The following ROS1 variants were observed in gnomAD, a reference collection of about 807,000 sequenced individuals.
ROS1 encodes the protein proto-oncogene tyrosine-protein kinase ROS.
A neutral mutation model predicts 273.5 loss-of-function variants in ROS1; 263 were observed. The ratio of observed to expected loss-of-function variants is 0.96; its 90% confidence interval spans 0.87 to 1.06. ROS1 has a LOEUF of 1.06. Among genes scored for constraint, ROS1 ranks in the 50% least tolerant of loss-of-function variants. The probability of loss-of-function intolerance (pLI) is 0.00; values close to 1 mark genes in which losing one functional copy is unlikely to be tolerated. For synonymous variants in ROS1, 1,008 were observed against 954.1 expected, an observed-to-expected ratio of 1.06 and a Z score of -1.04; for missense variants, 2,833 against 2,751.1, an observed-to-expected ratio of 1.03 and a Z score of -0.67.
chr6:117,389,129 T>A (rs762492751), intron 13 of ROS1, among the ~76,000 whole-genome samples: 11 of 152,218 alleles, frequency 7.2e-5, no homozygotes, highest in Non-Finnish European at 1.6e-4. Context: ...ATGTTCAAAT[T>A]ATTCTATTGG....
chr6:117,317,540 A>C (rs918600397), intron 38 of ROS1, among the ~76,000 whole-genome samples: 2 of 152,126 alleles, frequency 1.3e-5, no homozygotes, highest in Non-Finnish European at 2.9e-5. Flanking sequence ...AAAAGAAAGT[A>C]ATTTTGACTA....
At chr6:117,386,616 T>C (rs772052197) in intron 15 of ROS1, among the ~76,000 whole-genome samples, 26 of 152,262 alleles carry the variant, frequency 1.7e-4, no homozygotes, top group Non-Finnish European at 2.8e-4. Flanking sequence ...TGAGATGGCA[T>C]TGGTAGATTA....
chr6:117,342,490 TG>T lies in ROS1; in HGVS notation c.4560del (p.Tyr1520Ter). On this transcript the variant is annotated frameshift_variant, in exon 29 of 44. Transcript: ENST00000368507. LOFTEE classifies it high-confidence loss of function. ...LIEDLQPFST[Y>X]MIQIAVKNYY... is the part of the protein sequence containing the mutation. ...TAATTTTTTACAGCTATCTGTATCA[TG>T]TATGTTGAAAATGGTTGTAAATCTT... is the stretch of plus-strand genomic sequence containing the variant. 6.2e-7 allele frequency: 1 copy of T among 1,604,028 alleles called. No homozygotes were observed. Among genetic ancestry groups the T allele is most frequent in the Non-Finnish European group, 8.5e-7 (1 of 1,171,918 alleles).
intron 17 of ROS1, among the ~76,000 whole-genome samples, chr6:117,379,828 A>C (rs1447894687): frequency 1.3e-5 from 2 of 152,162 alleles, no homozygotes; most frequent in African/African-American, 4.8e-5. Flanking sequence ...CATACACTTT[A>C]AAAAGATCAT....
chr6:117,391,098 A>T (rs777039284), intron 12 of ROS1, among the ~76,000 whole-genome samples: 2 of 152,142 alleles, frequency 1.3e-5, no homozygotes, highest in African/African-American at 2.4e-5. Flanking sequence ...TTCTGCTCTA[A>T]TTCCCCTTGA....
intron 39 of ROS1, among the ~76,000 whole-genome samples, chr6:117,315,059 T>G (rs73566803): frequency 0.027 from 4,182 of 152,184 alleles, 207 homozygotes; most frequent in African/African-American, 0.096. Flanking sequence ...TAAAAGAAGA[T>G]GAGTAAAATT....
chr6:117,395,598 A>T (rs1300928520), intron 9 of ROS1, among the ~76,000 whole-genome samples: 5 of 152,174 alleles, frequency 3.3e-5, no homozygotes, highest in Admixed American at 3.3e-4. Flanking sequence ...ACTTCTTAGA[A>T]AGCATTTTCA....
At chr6:117,367,257 T>A (rs921014032) in intron 18 of ROS1, among the ~76,000 whole-genome samples, 3 of 152,116 alleles carry the variant, frequency 2.0e-5, no homozygotes, top group Admixed American at 1.3e-4. Flanking sequence ...CAGGTACATG[T>A]TCCTTTAAAA....
At chr6:117,387,725 T>C in intron 14 of ROS1, 55 bp downstream of exon 14, 1 of 1,559,428 alleles carries the variant, frequency 6.4e-7, no homozygotes, top group Non-Finnish European at 8.7e-7. Flanking sequence ...TAAAGGGCAC[T>C]CAGCTAGTCC....
chr6:117,411,594 T>C (rs530831400), intron 4 of ROS1, among the ~76,000 whole-genome samples: 74 of 152,234 alleles, frequency 4.9e-4, no homozygotes, highest in African/African-American at 1.7e-3. Flanking sequence ...ATCTTTATTG[T>C]CCCTCTGGCT....
chr6:117,378,813 C>T (rs1174347231), intron 18 of ROS1, among the ~76,000 whole-genome samples: 1 of 152,126 alleles, frequency 6.6e-6, no homozygotes, highest in Non-Finnish European at 1.5e-5. Flanking sequence ...CCATACACTT[C>T]CTGGGCTCTT....
At chr6:117,418,683 G>T (rs950784896) in intron 1 of ROS1, among the ~76,000 whole-genome samples, 177 bp from the exon 2 acceptor site, 9 of 152,190 alleles carry the variant, frequency 5.9e-5, no homozygotes, top group Non-Finnish European at 1.3e-4. Context: ...CAAAATGCTG[G>T]TGCAAATTAT....
chr6:117,408,919 A>G (rs1774657577), intron 5 of ROS1, among the ~76,000 whole-genome samples: 1 of 152,244 alleles, frequency 6.6e-6, no homozygotes, highest in African/African-American at 2.4e-5. Context: ...TTGTAGGGAC[A>G]TGGATGAAGC....
rs1779354403 is a variant in ROS1 at position 117,356,811 on chromosome 6, T to C, written c.3944A>G (p.Gln1315Arg). The part of the protein sequence containing the change: ...HRILQPTATN[Q>R]QNKRNQCSCN... ...AGAACATTGATTCCTTTTGTTTTGT[T>C]GGTTTGTAGCTGTGGGTTGCAGAAT... Residue 1315 changes from glutamine (Q) to arginine (R), a missense_variant, in exon 26 of 44, where the codon CAA (glutamine) becomes CGA (arginine). Gln to Arg is a conservative substitution (Grantham distance 43). Transcript: ENST00000368507. The C allele has an allele frequency of 6.2e-6, 10 of 1,614,032 alleles. No individual in the cohort carries two copies. The highest frequency in any genetic ancestry group is 2.2e-5 in the East Asian group (1 of 44,892).
chr6:117,389,271 T>G, intron 13 of ROS1, 79 bp downstream of exon 13: 2 of 1,485,606 alleles, frequency 1.3e-6, no homozygotes, highest in Non-Finnish European at 1.8e-6. Context: ...CTCTCAAAAT[T>G]GAATCACAAC....
At chr6:117,353,537 A>T (rs932924697) in intron 26 of ROS1, among the ~76,000 whole-genome samples, 1 of 152,248 alleles carries the variant, frequency 6.6e-6, no homozygotes, top group African/African-American at 2.4e-5. Context: ...AATGATAGGC[A>T]TAGGGCTCAG....
chr6:117,416,098 TG>T (rs1775310934), intron 3 of ROS1, among the ~76,000 whole-genome samples, 159 bp downstream of exon 3: 1 of 152,238 alleles, frequency 6.6e-6, no homozygotes, highest in African/African-American at 2.4e-5. Context: ...TCCATTACTA[TG>T]TATTATCCAG....
chr6:117,338,179 A>G (rs1777615853), intron 31 of ROS1, among the ~76,000 whole-genome samples: 1 of 152,184 alleles, frequency 6.6e-6, no homozygotes, highest in African/African-American at 2.4e-5. Flanking sequence ...GTAGAGTTTC[A>G]TAAAAAGGTC....
intron 24 of ROS1, among the ~76,000 whole-genome samples, chr6:117,358,562 C>T (rs1329547516): frequency 6.6e-6 from 1 of 151,812 alleles, no homozygotes; most frequent in African/African-American, 2.4e-5. Context: ...TGGGTTCAAA[C>T]GATTCTCCTG....
Sources: allele counts gnomAD v4.1 joint callset (sites outside exome capture counted in the v4.1 genomes callset), GRCh38; gene constraint gnomAD v4.1.1; transcripts MANE v1.5; gene names NCBI Gene and HGNC (gene_info 2026-07-23, HGNC 2026-07-21).